The following CTNNA3 variants were observed in gnomAD, a reference collection of about 807,000 sequenced individuals.
CTNNA3 encodes catenin alpha-3.
In CTNNA3, 76 loss-of-function variants were observed where a neutral mutation model predicts 95.7. The observed-to-expected ratio is 0.79, with a 90% CI of 0.66 to 0.96. The LOEUF (loss-of-function observed/expected upper bound fraction) is 0.96, where lower values mean the gene tolerates loss of function less well. Ranked by LOEUF, CTNNA3 falls within the 40% of genes least tolerant of loss-of-function variation. CTNNA3 has a pLI of 0.00. For synonymous variants in CTNNA3, 431 were observed against 374.4 expected (o/e 1.15, Z -1.74); for missense variants, 1,191 against 1,089.8 (o/e 1.09, Z -1.31).
chr10:66,928,165 T>C, intron 7 of CTNNA3: 1 of 1,614,056 alleles, frequency 6.2e-7, no homozygotes, highest in Non-Finnish European at 8.5e-7. Context: ...GCACATCTCT[T>C]TCCATAAAAT....
chr10:67,563,183 A>T (rs958430928), intron 3 of CTNNA3, among the ~76,000 whole-genome samples: 6 of 152,084 alleles, frequency 3.9e-5, no homozygotes, highest in African/African-American at 1.4e-4. Flanking sequence ...CATCGCCAAG[A>T]CAATCCTAAG....
intron 4 of CTNNA3, among the ~76,000 whole-genome samples, chr10:67,538,105 C>T (rs1300700979): frequency 3.0e-5 from 4 of 132,124 alleles, no homozygotes; most frequent in Admixed American, 8.6e-5. Context: ...ATCTTCTAGT[C>T]AACAGCTGTT....
At chr10:67,347,556 C>T (rs1160979608) in intron 5 of CTNNA3, among the ~76,000 whole-genome samples, 3 of 152,058 alleles carry the variant, frequency 2.0e-5, no homozygotes, top group Non-Finnish European at 4.4e-5. Context: ...ATGAATGAAA[C>T]AAACTGTATC....
chr10:66,845,737 G>A (rs1422800465), intron 7 of CTNNA3, among the ~76,000 whole-genome samples: 20 of 29,320 alleles, frequency 6.8e-4, no homozygotes, highest in Non-Finnish European at 1.3e-3. Context: ...AAACTAAAAA[G>A]GTGAGATATA....
chr10:66,930,381 T>TA (rs1443485138), intron 7 of CTNNA3, among the ~76,000 whole-genome samples: 1 of 152,202 alleles, frequency 6.6e-6, no homozygotes, highest in African/African-American at 2.4e-5. Flanking sequence ...TGACTGAGCT[T>TA]ATTGTGATTT....
intron 7 of CTNNA3, among the ~76,000 whole-genome samples, chr10:67,078,541 G>T (rs1856859673): frequency 6.6e-6 from 1 of 151,756 alleles, no homozygotes; most frequent in Non-Finnish European, 1.5e-5. Context: ...ATTTGAGAAG[G>T]AGTCTCGCTC....
At chr10:66,769,369 A>C (rs901105944) in intron 8 of CTNNA3, among the ~76,000 whole-genome samples, 2 of 152,200 alleles carry the variant, frequency 1.3e-5, no homozygotes, top group Non-Finnish European at 2.9e-5. Context: ...CCATGCAAAA[A>C]ACAAAGTGTA....
intron 10 of CTNNA3, among the ~76,000 whole-genome samples, chr10:66,616,883 CT>C (rs1844535127): frequency 1.3e-5 from 2 of 151,896 alleles, no homozygotes; most frequent in East Asian, 1.9e-4. Context: ...ATTATACTGT[CT>C]TTTTTTCATC....
intron 10 of CTNNA3, among the ~76,000 whole-genome samples, chr10:66,591,597 A>C (rs773153387): frequency 3.3e-5 from 5 of 151,906 alleles, no homozygotes; most frequent in Non-Finnish European, 7.4e-5. Flanking sequence ...CCCCTCTTTT[A>C]CCTCCAGCTA....
chr10:67,181,885 G>C (rs1254692763), intron 6 of CTNNA3, among the ~76,000 whole-genome samples: 1 of 152,008 alleles, frequency 6.6e-6, no homozygotes, highest in African/African-American at 2.4e-5. Flanking sequence ...TATAAAATGT[G>C]AGGGGTTTTG....
intron 13 of CTNNA3, among the ~76,000 whole-genome samples, chr10:66,256,448 G>A (rs917527598): frequency 2.0e-5 from 3 of 152,152 alleles, no homozygotes; most frequent in African/African-American, 4.8e-5. Context: ...CTTGGGGCGC[G>A]GTGGCTCATG....
chr10:67,575,219 T>A (rs973128882), intron 3 of CTNNA3, among the ~76,000 whole-genome samples: 5 of 152,210 alleles, frequency 3.3e-5, no homozygotes, highest in Non-Finnish European at 7.3e-5. Context: ...AGGTTCTGAA[T>A]CTTGATCATA....
At chr10:66,763,867 T>C (rs1839726076) in intron 9 of CTNNA3, among the ~76,000 whole-genome samples, 1 of 152,168 alleles carries the variant, frequency 6.6e-6, no homozygotes, top group African/African-American at 2.4e-5. Context: ...CATGTGAATA[T>C]GCCATTTAGC....
At chr10:65,961,564 T>C (rs896415784) in intron 17 of CTNNA3, among the ~76,000 whole-genome samples, 4 of 152,064 alleles carry the variant, frequency 2.6e-5, no homozygotes, top group Admixed American at 2.0e-4. Flanking sequence ...ATTTTGGTAA[T>C]CATAGAGGGA....
At position 66,237,975 on chromosome 10, in the gene CTNNA3, AT is replaced by A. The variant is rs556663831; in HGVS notation, c.1884+42494del. ...TCAAATCATTTGCTATAAATGATAA[AT>A]TTTTTTTCTAAATTGTCATAGAAAC... On this transcript the variant is annotated intron_variant, in intron 13 of 17. Transcript: ENST00000433211. Among the ~76,000 whole-genome samples the A allele has an allele frequency of 2.9e-3, 437 of 152,020 alleles. 2 individuals are homozygous for A. The highest frequency in any genetic ancestry group is 4.6e-3 in the Non-Finnish European group (315 of 67,928).
At chr10:66,230,476 C>A (rs2089531667) in intron 13 of CTNNA3, among the ~76,000 whole-genome samples, 1 of 152,090 alleles carries the variant, frequency 6.6e-6, no homozygotes, top group Admixed American at 6.6e-5. Context: ...TCATCAGTGT[C>A]TGAGAGTGCA....
chr10:67,027,825 C>T (rs1391044314), intron 7 of CTNNA3, among the ~76,000 whole-genome samples: 4 of 151,978 alleles, frequency 2.6e-5, no homozygotes, highest in Non-Finnish European at 5.9e-5. Context: ...TCGTTTTTTC[C>T]TTTTAAAACT....
At chr10:67,162,917 G>T (rs1013692746) in intron 7 of CTNNA3, among the ~76,000 whole-genome samples, 2 of 151,818 alleles carry the variant, frequency 1.3e-5, no homozygotes, top group African/African-American at 4.8e-5. Context: ...AAAAGCAAAA[G>T]CTATCACAAC....
chr10:66,468,977 C>G, intron 11 of CTNNA3, among the ~76,000 whole-genome samples: 1 of 151,604 alleles, frequency 6.6e-6, no homozygotes, highest in East Asian at 1.9e-4. Flanking sequence ...TTGCATAAAA[C>G]TTTAAAAAAT....
Sources: allele counts gnomAD v4.1 joint callset (sites outside exome capture counted in the v4.1 genomes callset), GRCh38; gene constraint gnomAD v4.1.1; transcripts MANE v1.5; gene names NCBI Gene and HGNC (gene_info 2026-07-23, HGNC 2026-07-21).